The following KCNK13 variants were observed in gnomAD, a reference collection of about 807,000 sequenced individuals.
KCNK13 encodes the protein potassium channel subfamily K member 13.
Under a neutral mutation model 23.4 loss-of-function variants are expected in KCNK13, and 12 were observed. That is an observed-to-expected ratio of 0.51 (90% CI 0.33 to 0.83). KCNK13 has a LOEUF of 0.83. Among genes scored for constraint, KCNK13 ranks in the 40% least tolerant of loss-of-function variants. The pLI, the probability that KCNK13 is intolerant of heterozygous loss-of-function variation, is 0.02. For missense variants in KCNK13, 463 were observed against 556.3 expected (o/e 0.83, Z 1.69); for synonymous variants, 231 against 229.5 (o/e 1.01, Z -0.06).
At position 90,062,247 on chromosome 14, in the gene KCNK13, C is replaced by G. The variant is rs766187755; in HGVS notation, c.42C>G (p.Asn14Lys). Residue 14 changes from asparagine (N) to lysine (K), a missense_variant, in exon 1 of 2, where the codon AAC becomes AAG. This residue lies in a region of KCNK13 where 153 missense variants were observed against 153.6 expected (regional missense o/e 1.00). Transcript: ENST00000282146. The surrounding 1 kb of genome is among the most constrained non-coding windows in gnomAD (Gnocchi z 4.5). ...TCAGCTGGGGCCCGGGCCACCTGAACGAGGACAACGCGCGCTTTCTGCTGC... is the reference window on the plus strand; with the variant it reads ...TCAGCTGGGGCCCGGGCCACCTGAAGGAGGACAACGCGCGCTTTCTGCTGC... ...RGFSWGPGHL[N>K]EDNARFLLLA... 6 of 1,501,084 alleles carry G rather than the reference C, an allele frequency of 4.0e-6. No individual in the cohort carries two copies. Among genetic ancestry groups the G allele is most frequent in the South Asian group, 1.2e-5 (1 of 83,644 alleles). 93.0% of individuals were successfully genotyped at this position (1,501,084 alleles called of 1,614,324 possible). A position where few individuals can be genotyped will look rare whatever the true frequency, so the allele number is the denominator to read the frequency against.
chr14:90,127,296 C>T (rs578141765), intron 1 of KCNK13, among the ~76,000 whole-genome samples: 1 of 152,168 alleles, frequency 6.6e-6, no homozygotes, highest in East Asian at 1.9e-4. Flanking sequence ...CCATGCCTGG[C>T]ACCCTATATG....
At chr14:90,141,789 T>G (rs1890008784) in intron 1 of KCNK13, among the ~76,000 whole-genome samples, 1 of 15,458 alleles carries the variant, frequency 6.5e-5, no homozygotes, top group African/African-American at 1.8e-4. Context: ...TTTTGTTTTG[T>G]TTTTTGGGGG....
At chr14:90,103,710 C>G (rs998556781) in intron 1 of KCNK13, among the ~76,000 whole-genome samples, 36 of 151,980 alleles carry the variant, frequency 2.4e-4, no homozygotes, top group Non-Finnish European at 4.7e-4. Flanking sequence ...TTATAGGCTC[C>G]CACTACCTTC....
intron 1 of KCNK13, among the ~76,000 whole-genome samples, chr14:90,180,108 G>T (rs1890468864): frequency 6.6e-6 from 1 of 152,182 alleles, no homozygotes; most frequent in Non-Finnish European, 1.5e-5. Context: ...ACAGGCCTGG[G>T]AGACAAGATG....
intron 1 of KCNK13, among the ~76,000 whole-genome samples, chr14:90,131,508 G>C (rs1889871448): frequency 6.6e-6 from 1 of 152,140 alleles, no homozygotes; most frequent in Admixed American, 6.5e-5. Context: ...GGGATTACAG[G>C]TGTGAGCCAC....
intron 1 of KCNK13, among the ~76,000 whole-genome samples, chr14:90,125,245 A>G (rs1363021843): frequency 6.7e-6 from 1 of 148,348 alleles, no homozygotes; most frequent in Non-Finnish European, 1.5e-5. Flanking sequence ...TCTTTTTGAG[A>G]TGGAGTCTCA....
chr14:90,122,845 TAATA>T (rs1284665094), intron 1 of KCNK13, among the ~76,000 whole-genome samples: 1 of 152,200 alleles, frequency 6.6e-6, no homozygotes, highest in Non-Finnish European at 1.5e-5. Context: ...AATACGCACC[TAATA>T]AGCCTTCATA....
At chr14:90,091,437 G>A (rs574145844) in intron 1 of KCNK13, among the ~76,000 whole-genome samples, 1 of 152,280 alleles carries the variant, frequency 6.6e-6, no homozygotes, top group Non-Finnish European at 1.5e-5. Flanking sequence ...CAAGTTCAGA[G>A]GAAACTCAGT....
intron 1 of KCNK13, among the ~76,000 whole-genome samples, chr14:90,068,534 G>A (rs1408114820): frequency 1.3e-5 from 2 of 152,190 alleles, no homozygotes; most frequent in African/African-American, 4.8e-5. Flanking sequence ...GGAGATTGAG[G>A]TTGAGGCTGC....
intron 1 of KCNK13, among the ~76,000 whole-genome samples, chr14:90,159,909 C>A (rs528180426): frequency 6.4e-4 from 97 of 151,448 alleles, no homozygotes; most frequent in African/African-American, 2.3e-3. Flanking sequence ...TAGCCTGACT[C>A]CAGACTTGGT....
intron 1 of KCNK13, among the ~76,000 whole-genome samples, chr14:90,176,051 C>G (rs1176185650): frequency 6.6e-6 from 1 of 152,126 alleles, no homozygotes; most frequent in Non-Finnish European, 1.5e-5. Context: ...ATCCAAGATT[C>G]AAGGAGAGAG....
At chr14:90,094,858 A>G (rs1371494263) in intron 1 of KCNK13, among the ~76,000 whole-genome samples, 3 of 151,964 alleles carry the variant, frequency 2.0e-5, no homozygotes, top group African/African-American at 7.2e-5. Context: ...CGTGTCAGCC[A>G]GGATGGTCTC....
chr14:90,141,479 T>C (rs1308264338), intron 1 of KCNK13, among the ~76,000 whole-genome samples: 1 of 151,510 alleles, frequency 6.6e-6, no homozygotes, highest in Non-Finnish European at 1.5e-5. Flanking sequence ...GTTTCTGAGA[T>C]AGAGTTTCGC....
intron 1 of KCNK13, among the ~76,000 whole-genome samples, chr14:90,128,389 G>GA (rs1315766230): frequency 6.6e-6 from 1 of 152,054 alleles, no homozygotes; most frequent in Non-Finnish European, 1.5e-5. Context: ...TTTTTCAGGG[G>GA]CCTCTTTATC....
chr14:90,137,015 G>T (rs1194834515), intron 1 of KCNK13, among the ~76,000 whole-genome samples: 2 of 149,854 alleles, frequency 1.3e-5, no homozygotes, highest in Non-Finnish European at 3.0e-5. Context: ...TGAGAGTGTA[G>T]TTTCTAGAAG....
intron 1 of KCNK13, among the ~76,000 whole-genome samples, chr14:90,099,976 G>A (rs1170612924): frequency 1.3e-5 from 2 of 152,094 alleles, no homozygotes; most frequent in Admixed American, 6.5e-5. Context: ...AACTAACCAC[G>A]CAGCTCTGGA....
chr14:90,082,297 T>G (rs140599000), intron 1 of KCNK13, among the ~76,000 whole-genome samples: 116 of 151,728 alleles, frequency 7.6e-4, no homozygotes, highest in African/African-American at 2.8e-3. Context: ...ACTCCTGACC[T>G]CAGATGATCT....
chr14:90,149,900 C>T (rs1208705046), intron 1 of KCNK13, among the ~76,000 whole-genome samples: 2 of 152,050 alleles, frequency 1.3e-5, no homozygotes, highest in Non-Finnish European at 2.9e-5. Context: ...CTTACTATGT[C>T]CAGGCATTGT....
intron 1 of KCNK13, among the ~76,000 whole-genome samples, chr14:90,097,959 CAG>C (rs1566950971): frequency 1.3e-5 from 2 of 152,168 alleles, no homozygotes. Flanking sequence ...CATAAGCAAA[CAG>C]GGAGAATTCA....
Sources: gnomAD v4.1 joint callset for allele counts (sites outside exome capture counted in the v4.1 genomes callset) on GRCh38, gnomAD v4.1.1 for gene constraint, gnomAD v4.1.1 regional missense constraint, Gnocchi (gnomAD v3.1) non-coding constraint, MANE v1.5 for transcripts, NCBI Gene and HGNC (gene_info 2026-07-23, HGNC 2026-07-21) for gene names.